The following GRHL2 variants were observed in gnomAD, a reference collection of about 807,000 sequenced individuals.
GRHL2 encodes grainyhead-like protein 2 homolog.
A neutral mutation model predicts 83.8 loss-of-function variants in GRHL2; 21 were observed. The observed-to-expected ratio is 0.25, with a 90% CI of 0.18 to 0.36. The LOEUF (loss-of-function observed/expected upper bound fraction) is 0.36, where lower values mean the gene tolerates loss of function less well. GRHL2 is among the 10% of genes least tolerant of loss of function. The probability of loss-of-function intolerance (pLI) is 1.00; values close to 1 mark genes in which losing one functional copy is unlikely to be tolerated. For missense variants in GRHL2, 623 were observed against 781.8 expected, an observed-to-expected ratio of 0.80 and a Z score of 2.42; for synonymous variants, 280 against 278.9, an observed-to-expected ratio of 1.00 and a Z score of -0.04.
At chr8:101,538,754 G>A (rs900052208) in intron 1 of GRHL2, among the ~76,000 whole-genome samples, 2 of 152,198 alleles carry the variant, frequency 1.3e-5, no homozygotes, top group Non-Finnish European at 2.9e-5. Context: ...CAGTGTACCA[G>A]AGAGATTATT....
intron 11 of GRHL2, among the ~76,000 whole-genome samples, chr8:101,634,319 C>A (rs993362961): frequency 6.6e-6 from 1 of 152,172 alleles, no homozygotes; most frequent in African/African-American, 2.4e-5. Flanking sequence ...TGTGGTTGAT[C>A]AGCTGGCTTA....
At chr8:101,509,209 T>TGTGTGTGTGTG (rs1554581616) in intron 1 of GRHL2, among the ~76,000 whole-genome samples, 1 of 53,740 alleles carries the variant, frequency 1.9e-5, no homozygotes, top group African/African-American at 4.5e-5. Flanking sequence ...TTCTTTCTTC[T>TGTGTGTGTGTG]TGTGTGTGTG....
chr8:101,541,225 T>C (rs1811148983), intron 1 of GRHL2, among the ~76,000 whole-genome samples: 1 of 151,638 alleles, frequency 6.6e-6, no homozygotes, highest in African/African-American at 2.4e-5. Flanking sequence ...CATAGATTGA[T>C]GGGTACATAT....
chr8:101,622,396 T>C (rs1339844061), intron 9 of GRHL2, among the ~76,000 whole-genome samples: 1 of 152,202 alleles, frequency 6.6e-6, no homozygotes, highest in Non-Finnish European at 1.5e-5. Context: ...AATATTACTG[T>C]AAAGACATTG....
At chr8:101,617,609 A>G (rs944992135) in intron 8 of GRHL2, among the ~76,000 whole-genome samples, 2 of 152,158 alleles carry the variant, frequency 1.3e-5, no homozygotes, top group African/African-American at 2.4e-5. Context: ...GGCTCAAGCA[A>G]TCCTCCCATC....
At chr8:101,638,233 G>A (rs1014173443) in intron 12 of GRHL2, among the ~76,000 whole-genome samples, 2 of 152,096 alleles carry the variant, frequency 1.3e-5, no homozygotes, top group African/African-American at 4.8e-5. Flanking sequence ...TTTCACAGTT[G>A]GCAAATTGGA....
At chr8:101,499,630 A>G (rs1330694252) in intron 1 of GRHL2, among the ~76,000 whole-genome samples, 1 of 152,320 alleles carries the variant, frequency 6.6e-6, no homozygotes, top group East Asian at 1.9e-4. Flanking sequence ...GATGATGTCA[A>G]CTAGGTTTAA....
At chr8:101,495,955 T>C (rs1196368533) in intron 1 of GRHL2, among the ~76,000 whole-genome samples, 1 of 152,102 alleles carries the variant, frequency 6.6e-6, no homozygotes, top group Admixed American at 6.5e-5. Context: ...ATGACCAGCC[T>C]GATCAACATA....
At chr8:101,545,013 A>G (rs945449068) in intron 2 of GRHL2, among the ~76,000 whole-genome samples, 2 of 152,182 alleles carry the variant, frequency 1.3e-5, no homozygotes, top group Non-Finnish European at 2.9e-5. Context: ...TAAAACACTC[A>G]GGAGGGATTC....
chr8:101,543,649 G>T, intron 2 of GRHL2: 10 of 577,902 alleles, frequency 1.7e-5, no homozygotes, highest in Non-Finnish European at 2.2e-5. Flanking sequence ...ACTCATTTTG[G>T]GATAATATTT....
At chr8:101,507,572 A>G (rs1403404177) in intron 1 of GRHL2, among the ~76,000 whole-genome samples, 1 of 152,134 alleles carries the variant, frequency 6.6e-6, no homozygotes, top group Admixed American at 6.5e-5. Context: ...AAAAGATAAG[A>G]TAGTGATTTA....
intron 1 of GRHL2, among the ~76,000 whole-genome samples, chr8:101,537,417 T>C (rs1811065846): frequency 6.6e-6 from 1 of 152,180 alleles, no homozygotes; most frequent in Non-Finnish European, 1.5e-5. Context: ...CTTAGCATAG[T>C]GTCTCACAAG....
At chr8:101,545,722 T>C (rs1811248679) in intron 2 of GRHL2, among the ~76,000 whole-genome samples, 1 of 152,008 alleles carries the variant, frequency 6.6e-6, no homozygotes, top group Non-Finnish European at 1.5e-5. Flanking sequence ...TTTGGTCTCA[T>C]CCTTAGAAAG....
intron 1 of GRHL2, among the ~76,000 whole-genome samples, chr8:101,519,355 A>C (rs1404406153): frequency 6.6e-6 from 1 of 151,990 alleles, no homozygotes; most frequent in African/African-American, 2.4e-5. Flanking sequence ...TTTTATGTTT[A>C]CATAGCTATT....
rs376192846 is a variant in GRHL2, at chr8:101,493,136, T to C, written c.20+347T>C. ...GGCGCGGGAGGCCTGCTCTTCCCTC[T>C]CTGTTTTAGCTGCTCCCACCGATCT... is the stretch of plus-strand genomic sequence containing the variant. On this transcript the variant is annotated intron_variant, in intron 1 of 15. Transcript: ENST00000646743. 2.1e-3 allele frequency among the ~76,000 whole-genome samples: 318 copies of C among 152,284 alleles called. 3 individuals are homozygous for C. Among genetic ancestry groups the C allele is most frequent in the African/African-American group, 7.1e-3 (296 of 41,558 alleles).
At chr8:101,548,489 A>G (rs929722063) in intron 2 of GRHL2, among the ~76,000 whole-genome samples, 1 of 152,220 alleles carries the variant, frequency 6.6e-6, no homozygotes, top group African/African-American at 2.4e-5. Flanking sequence ...TGCACAGACC[A>G]GGACAGAAAG....
chr8:101,573,687 C>G lies in GRHL2; in HGVS notation c.754C>G (p.Leu252Val), dbSNP rs746527351. Reference sequence around the variant, plus strand: ...TCACAGTGGCACATTTCAGTACACCCTGGAAGCCACCAAATCTCTCCGTCA... The same window carrying G: ...TCACAGTGGCACATTTCAGTACACCGTGGAAGCCACCAAATCTCTCCGTCA... Reference protein sequence around the residue: ...QTSSGTFQYTLEATKSLRQKQ... With the variant: ...QTSSGTFQYTVEATKSLRQKQ... Residue 252 changes from leucine to valine, a missense_variant, in exon 6 of 16, where the codon CTG becomes GTG. Leu to Val is a conservative substitution (Grantham distance 32). Coordinates refer to ENST00000646743, the MANE Select transcript of GRHL2 (RefSeq NM_024915.4). 1.2e-6 allele frequency: 2 copies of G among 1,614,216 alleles called. No homozygotes were observed. The highest frequency in any genetic ancestry group is 2.2e-5 in the South Asian group (2 of 91,080).
At chr8:101,617,095 G>A (rs767535742) in intron 8 of GRHL2, among the ~76,000 whole-genome samples, 3 of 152,100 alleles carry the variant, frequency 2.0e-5, no homozygotes, top group South Asian at 2.1e-4. Context: ...TCCATATACA[G>A]TACCTTTTTT....
chr8:101,538,419 T>C (rs1182659229), intron 1 of GRHL2, among the ~76,000 whole-genome samples: 1 of 152,014 alleles, frequency 6.6e-6, no homozygotes, highest in Non-Finnish European at 1.5e-5. Context: ...AAGTCATGGA[T>C]TAAAGAAAAC....
Sources: allele counts gnomAD v4.1 joint callset (sites outside exome capture counted in the v4.1 genomes callset), GRCh38; gene constraint gnomAD v4.1.1; transcripts MANE v1.5; gene names NCBI Gene and HGNC (gene_info 2026-07-23, HGNC 2026-07-21).